The following LRP1B variants were observed in gnomAD, a reference collection of about 807,000 sequenced individuals.
LRP1B encodes LDL receptor related protein 1B.
Under a neutral mutation model 556.6 loss-of-function variants are expected in LRP1B, and 217 were observed. The observed-to-expected ratio is 0.39, with a 90% confidence interval of 0.35 to 0.44. The LOEUF (loss-of-function observed/expected upper bound fraction) is 0.44, where lower values mean the gene tolerates loss of function less well. LRP1B is among the 20% of genes least tolerant of loss of function. The probability of loss-of-function intolerance (pLI) is 1.00; values close to 1 mark genes in which losing one functional copy is unlikely to be tolerated. For missense variants in LRP1B, 5,053 were observed against 5,620.8 expected, an observed-to-expected ratio of 0.90 and a Z score of 3.23; for synonymous variants, 2,047 against 1,865.8, an observed-to-expected ratio of 1.10 and a Z score of -2.50.
At chr2:141,453,836 C>T (rs752065386) in intron 3 of LRP1B, among the ~76,000 whole-genome samples, 48 of 151,744 alleles carry the variant, frequency 3.2e-4, no homozygotes, top group Middle Eastern at 3.2e-3. Flanking sequence ...ATTGCTTGAA[C>T]CCAGAGTGGG....
intron 3 of LRP1B, among the ~76,000 whole-genome samples, chr2:141,281,262 G>A (rs948616210): frequency 6.6e-6 from 1 of 151,866 alleles, no homozygotes; most frequent in African/African-American, 2.4e-5. Context: ...ACATTAGTAT[G>A]TCTTTTTATT....
intron 3 of LRP1B, among the ~76,000 whole-genome samples, chr2:141,463,976 C>T (rs1682055559): frequency 6.6e-6 from 1 of 151,562 alleles, no homozygotes; most frequent in South Asian, 2.1e-4. Flanking sequence ...TCAAGTTTGG[C>T]AGATATTGCT....
chr2:141,444,207 T>C (rs954570145), intron 3 of LRP1B, among the ~76,000 whole-genome samples: 7 of 152,236 alleles, frequency 4.6e-5, no homozygotes, highest in African/African-American at 1.4e-4. Flanking sequence ...TGGATGGGAG[T>C]TCACTCATGA....
chr2:141,084,515 A>G (rs921693074), intron 7 of LRP1B, among the ~76,000 whole-genome samples: 1 of 152,232 alleles, frequency 6.6e-6, no homozygotes, highest in Non-Finnish European at 1.5e-5. Flanking sequence ...ATGTTATAGT[A>G]CAATTTATAC....
intron 18 of LRP1B, among the ~76,000 whole-genome samples, chr2:140,956,746 C>T (rs934228336): frequency 2.0e-5 from 3 of 151,616 alleles, no homozygotes; most frequent in Non-Finnish European, 4.4e-5. Context: ...AAGTATAATG[C>T]CACATACAAA....
At chr2:141,155,475 T>C (rs1702043449) in intron 7 of LRP1B, among the ~76,000 whole-genome samples, 1 of 54,956 alleles carries the variant, frequency 1.8e-5, no homozygotes, top group South Asian at 4.8e-4. Context: ...TATTTTTTTC[T>C]TTTTATTATT....
intron 2 of LRP1B, among the ~76,000 whole-genome samples, chr2:141,491,149 A>C (rs1236736022): frequency 1.3e-5 from 2 of 152,102 alleles, no homozygotes; most frequent in Non-Finnish European, 2.9e-5. Flanking sequence ...CTCATATCAC[A>C]TTTCTTGGGT....
At chr2:140,655,809 G>A (rs1313107412) in intron 41 of LRP1B, among the ~76,000 whole-genome samples, 1 of 148,902 alleles carries the variant, frequency 6.7e-6, no homozygotes, top group Non-Finnish European at 1.5e-5. Flanking sequence ...CGGGCATAGT[G>A]GCGGGCGCCT....
At chr2:140,448,681 T>C (rs1005794019) in intron 63 of LRP1B, among the ~76,000 whole-genome samples, 1 of 152,118 alleles carries the variant, frequency 6.6e-6, no homozygotes, top group East Asian at 1.9e-4. Context: ...TCAAGAGATC[T>C]ATTGTACATC....
chr2:141,646,456 G>C (rs1689567701), intron 2 of LRP1B, among the ~76,000 whole-genome samples: 1 of 152,100 alleles, frequency 6.6e-6, no homozygotes. Flanking sequence ...GATACACAGT[G>C]CTGTGCTATG....
At chr2:141,315,252 A>ATTTTTTTTTTTTTTTTTTTT (rs34839276) in intron 3 of LRP1B, among the ~76,000 whole-genome samples, 2 of 77,164 alleles carry the variant, frequency 2.6e-5, no homozygotes, top group Admixed American at 2.2e-4. Flanking sequence ...AATGATTGTA[A>ATTTTTTTTTTTTTTTTTTTT]TTTTTTTTTT....
intron 34 of LRP1B, 54 bp downstream of exon 34, chr2:140,770,826 TG>T: frequency 6.9e-7 from 1 of 1,447,342 alleles, no homozygotes; most frequent in East Asian, 2.7e-5. Flanking sequence ...CTGCATGGTA[TG>T]TAATGATTAG....
intron 74 of LRP1B, among the ~76,000 whole-genome samples, chr2:140,356,862 G>A (rs1159001582): frequency 6.6e-6 from 1 of 151,746 alleles, no homozygotes; most frequent in Admixed American, 6.6e-5. Context: ...TAGAAATTTA[G>A]GCATTTATTG....
intron 3 of LRP1B, among the ~76,000 whole-genome samples, chr2:141,276,658 C>CTTTCTTTCTTTTTTTT (rs61184600): frequency 8.1e-6 from 1 of 122,924 alleles, no homozygotes; most frequent in Non-Finnish European, 1.7e-5. Context: ...TTCTTTCTTT[C>CTTTCTTTCTTTTTTTT]TTTTTTTTTT....
At chr2:141,208,511 C>T (rs1476773438) in intron 6 of LRP1B, 1 of 152,184 alleles carries the variant, frequency 6.6e-6, no homozygotes, top group African/African-American at 2.4e-5. Flanking sequence ...ATTAAGGTTC[C>T]ATATCTCCTT....
chr2:140,999,238 T>C (rs537330545), intron 15 of LRP1B, among the ~76,000 whole-genome samples: 1 of 152,246 alleles, frequency 6.6e-6, no homozygotes, highest in South Asian at 2.1e-4. Context: ...TTGCAGGCTA[T>C]ATTAGAAGAT....
chr2:141,984,329 G>A (rs1289004465), intron 1 of LRP1B, among the ~76,000 whole-genome samples: 3 of 150,434 alleles, frequency 2.0e-5, no homozygotes, highest in African/African-American at 4.9e-5. Flanking sequence ...TGGGAAAGGG[G>A]GAAAAAAAAA....
chr2:142,019,461 T>G (rs2105173127), intron 1 of LRP1B, among the ~76,000 whole-genome samples: 1 of 152,302 alleles, frequency 6.6e-6, no homozygotes, highest in South Asian at 2.1e-4. Context: ...TGACCACTTC[T>G]TATCACCTTC....
rs186886868 is a variant in LRP1B, at chr2:141,694,966, T to C, written c.205+115313A>G. On this transcript the variant is annotated intron_variant, in intron 2 of 90. Coordinates refer to ENST00000389484, the MANE Select transcript of LRP1B (RefSeq NM_018557.3). ...ATTCCCTATGTCTCTTTTCAGCAGATTGAATAAGCAAGGTAACATTCCTCT... is the reference window on the plus strand; with the variant it reads ...ATTCCCTATGTCTCTTTTCAGCAGACTGAATAAGCAAGGTAACATTCCTCT... 2.0e-5 allele frequency among the ~76,000 whole-genome samples: 3 copies of C among 152,184 alleles called. No individual in the cohort carries two copies. In the East Asian group the frequency reaches 5.8e-4, roughly 30 times the overall value.
Sources: gnomAD v4.1 joint callset for allele counts (sites outside exome capture counted in the v4.1 genomes callset) on GRCh38, gnomAD v4.1.1 for gene constraint, MANE v1.5 for transcripts, NCBI Gene and HGNC (gene_info 2026-07-23, HGNC 2026-07-21) for gene names.